The following FBXO4 variants were observed in gnomAD, a reference collection of about 807,000 sequenced individuals.
The protein encoded by FBXO4 is F-box protein 4.
A neutral mutation model predicts 43.7 loss-of-function variants in FBXO4; 36 were observed. That is an observed-to-expected ratio of 0.82 (90% CI 0.63 to 1.09). The LOEUF (loss-of-function observed/expected upper bound fraction) is 1.09. Among genes scored for constraint, FBXO4 ranks in the 50% least tolerant of loss-of-function variants. The pLI is 0.00. For synonymous variants in FBXO4, 180 were observed against 165.6 expected (o/e 1.09, Z -0.67); for missense variants, 435 against 474.1 (o/e 0.92, Z 0.77).
chr5:41,988,560 T>G, the FBXO4 span, among the ~76,000 whole-genome samples: 1 of 152,174 alleles, frequency 6.6e-6, no homozygotes, highest in Non-Finnish European at 1.5e-5. Context: ...TTGTCTGCAT[T>G]GAGACTCCAG....
the FBXO4 span, among the ~76,000 whole-genome samples, chr5:41,979,126 A>G: frequency 6.6e-6 from 1 of 152,146 alleles, no homozygotes; most frequent in African/African-American, 2.4e-5. Context: ...TTTTGCCTCT[A>G]TGTCTTAGTT....
Position 41,929,692 on chromosome 5 carries a change from T to C in FBXO4, c.426-5T>C. 13 of 1,567,704 alleles carry C rather than the reference T, an allele frequency of 8.3e-6. No homozygotes were observed. The highest frequency in any genetic ancestry group is 1.1e-5 in the Non-Finnish European group (13 of 1,161,482). On this transcript the variant is annotated splice_region_variant and splice_polypyrimidine_tract_variant and intron_variant, in intron 2 of 6. Transcript: ENST00000281623. Reference sequence around the variant, plus strand: ...TAATGTTCTAATTGTGACAATTTTTTACAGCTATAGAATGTGCTGTCCATA... The same window carrying C: ...TAATGTTCTAATTGTGACAATTTTTCACAGCTATAGAATGTGCTGTCCATA...
At chr5:41,999,519 A>G in the FBXO4 span, among the ~76,000 whole-genome samples, 31 of 115,480 alleles carry the variant, frequency 2.7e-4, no homozygotes, top group African/African-American at 1.0e-3. Context: ...ATATATATAT[A>G]TATACATATA....
In FBXO4 at chr5:41,929,721, A is replaced by G. The variant is rs1237976103; in HGVS notation, c.450A>G (p.Thr150=). ...MAVYRMCCPY[T]RRASKSSRPM... ...GCTATAGAATGTGCTGTCCATACAC[A>G]AGAAGAGCTTCAAAATCCAGCCGTC... Residue 150 remains threonine, a synonymous_variant, in exon 3 of 7, where the codon ACA becomes ACG. Coordinates refer to ENST00000281623, the MANE Select transcript of FBXO4 (RefSeq NM_012176.3). The G allele has an allele frequency of 4.3e-6, 7 of 1,612,214 alleles. No individual in the cohort carries two copies. The highest frequency in any genetic ancestry group is 5.9e-6 in the Non-Finnish European group (7 of 1,179,188).
At chr5:41,948,137 CTTTT>C in the FBXO4 span, among the ~76,000 whole-genome samples, 1 of 138,034 alleles carries the variant, frequency 7.2e-6, no homozygotes, top group African/African-American at 2.7e-5. Context: ...TGGCTACAAT[CTTTT>C]TTTTTTTTTT....
At chr5:41,999,446 A>AGT in the FBXO4 span, among the ~76,000 whole-genome samples, 4,709 of 107,706 alleles carry the variant, frequency 0.044, 374 homozygotes, top group African/African-American at 0.16. Context: ...TATATATGTG[A>AGT]GTGTGTGTGT....
the FBXO4 span, among the ~76,000 whole-genome samples, chr5:42,002,470 A>G: frequency 2.6e-5 from 4 of 152,198 alleles, no homozygotes; most frequent in Non-Finnish European, 5.9e-5. Context: ...ATCAATAGGA[A>G]CTTTGAAATT....
the FBXO4 span, among the ~76,000 whole-genome samples, chr5:42,016,540 T>C: frequency 6.6e-6 from 1 of 150,416 alleles, no homozygotes; most frequent in Non-Finnish European, 1.5e-5. Flanking sequence ...TGCAACCTCC[T>C]GTAAACAGAT....
At chr5:41,958,533 C>T in the FBXO4 span, among the ~76,000 whole-genome samples, 1 of 152,140 alleles carries the variant, frequency 6.6e-6, no homozygotes, top group African/African-American at 2.4e-5. Flanking sequence ...ATTTTGTGAC[C>T]TATGACCAAC....
the FBXO4 span, among the ~76,000 whole-genome samples, chr5:42,001,217 AT>A: frequency 1.1e-4 from 16 of 140,314 alleles, no homozygotes; most frequent in African/African-American, 3.7e-4. Flanking sequence ...AAACATTGTC[AT>A]TCATTCATTC....
the FBXO4 span, among the ~76,000 whole-genome samples, chr5:41,989,963 C>A: frequency 7.2e-5 from 11 of 152,258 alleles, no homozygotes; most frequent in East Asian, 1.7e-3. Context: ...CTGGTGGATG[C>A]ATATTGATTT....
At chr5:42,009,419 G>A in the FBXO4 span, among the ~76,000 whole-genome samples, 3,933 of 151,162 alleles carry the variant, frequency 0.026, 143 homozygotes, top group Admixed American at 0.084. Context: ...GTGTGTTGCA[G>A]AGGGGACTTC....
the FBXO4 span, among the ~76,000 whole-genome samples, chr5:42,007,893 C>A: frequency 6.6e-6 from 1 of 152,020 alleles, no homozygotes; most frequent in Non-Finnish European, 1.5e-5. Flanking sequence ...AGGAAAAGAT[C>A]TACTCAAGCA....
chr5:41,960,096 T>C, the FBXO4 span, among the ~76,000 whole-genome samples: 2 of 152,124 alleles, frequency 1.3e-5, no homozygotes, highest in African/African-American at 4.8e-5. Flanking sequence ...AATATATCCC[T>C]AAGTATTTTA....
chr5:41,999,478 C>G, the FBXO4 span, among the ~76,000 whole-genome samples: 1 of 27,884 alleles, frequency 3.6e-5, no homozygotes, highest in African/African-American at 7.9e-5. Context: ...TATATATATA[C>G]ACATATATAT....
the FBXO4 span, among the ~76,000 whole-genome samples, chr5:42,010,287 C>T: frequency 6.6e-6 from 1 of 151,986 alleles, no homozygotes; most frequent in Non-Finnish European, 1.5e-5. Context: ...ATCACTAGGT[C>T]AGGAGTACAA....
the FBXO4 span, among the ~76,000 whole-genome samples, chr5:41,980,565 T>G: frequency 6.6e-6 from 1 of 152,136 alleles, no homozygotes; most frequent in African/African-American, 2.4e-5. Context: ...ATTTAAACTT[T>G]CTTAGGGATT....
the FBXO4 span, among the ~76,000 whole-genome samples, chr5:41,966,087 A>T: frequency 6.6e-6 from 1 of 152,146 alleles, no homozygotes; most frequent in African/African-American, 2.4e-5. Flanking sequence ...CATAGGTGGG[A>T]ATTGAACAAT....
chr5:41,999,544 T>TAC, the FBXO4 span, among the ~76,000 whole-genome samples: 2 of 107,072 alleles, frequency 1.9e-5, no homozygotes, highest in African/African-American at 9.7e-5. Context: ...TACATATATA[T>TAC]GTATATATAT....
Sources: gnomAD v4.1 joint callset for allele counts (sites outside exome capture counted in the v4.1 genomes callset) on GRCh38, gnomAD v4.1.1 for gene constraint, MANE v1.5 for transcripts, NCBI Gene and HGNC (gene_info 2026-07-23, HGNC 2026-07-21) for gene names.